Variants in GSN observed in about 807,000 individuals in gnomAD.
The protein encoded by GSN is gelsolin.
In GSN, 56 loss-of-function variants were observed where a neutral mutation model predicts 85.7. The observed-to-expected ratio is 0.65, with a 90% CI of 0.53 to 0.82. The LOEUF is 0.82. Among genes scored for constraint, GSN ranks in the 40% least tolerant of loss-of-function variants. The pLI is 0.00. For synonymous variants in GSN, 373 were observed against 399.1 expected (o/e 0.93, Z 0.78); for missense variants, 857 against 979.8 (o/e 0.87, Z 1.67).
intron 11 of GSN, among the ~76,000 whole-genome samples, chr9:121,323,756 A>G (rs2062799234): frequency 6.6e-6 from 1 of 152,078 alleles, no homozygotes; most frequent in East Asian, 1.9e-4. Flanking sequence ...CTCTGAATCT[A>G]TGGCAGTTGC....
upstream of GSN, among the ~76,000 whole-genome samples, chr9:121,267,799 G>A (rs951358646): frequency 6.6e-6 from 1 of 152,006 alleles, no homozygotes. Context: ...ATCTGCCTCC[G>A]CTGGTGCTAG....
intron 1 of GSN, among the ~76,000 whole-genome samples, chr9:121,278,456 C>A (rs2056931085): frequency 6.6e-6 from 1 of 152,176 alleles, no homozygotes; most frequent in African/African-American, 2.4e-5. Context: ...CAGTATCCCC[C>A]CATCCCACCT....
chr9:121,286,283 A>C (rs993627971), intron 2 of GSN: 1 of 767,382 alleles, frequency 1.3e-6, no homozygotes, highest in African/African-American at 1.7e-5. Flanking sequence ...TCCTAGTTCA[A>C]CACCAGCCAG....
At chr9:121,314,162 A>C (rs778121526) in intron 7 of GSN, 139 bp downstream of exon 7, 9 of 727,016 alleles carry the variant, frequency 1.2e-5, no homozygotes, top group Non-Finnish European at 2.2e-5. Context: ...TCACGTCTCC[A>C]GTGGATGCTC....
At chr9:121,264,491 G>C (rs190679325), upstream of GSN, among the ~76,000 whole-genome samples, 2 of 152,132 alleles carry the variant, frequency 1.3e-5, no homozygotes, top group Non-Finnish European at 1.5e-5. Flanking sequence ...CAATCAGTTC[G>C]TAAGAAAACA....
At chr9:121,308,020 T>G (rs1346704759) in intron 4 of GSN, among the ~76,000 whole-genome samples, 2 of 152,210 alleles carry the variant, frequency 1.3e-5, no homozygotes, top group Non-Finnish European at 2.9e-5. Flanking sequence ...GAGTCCCAAC[T>G]CACTCCTTCC....
chr9:121,323,917 T>G (rs992906547), intron 11 of GSN, among the ~76,000 whole-genome samples: 1 of 152,222 alleles, frequency 6.6e-6, no homozygotes, highest in East Asian at 1.9e-4. Context: ...GTACAAAATG[T>G]GTGAGAAGAC....
intron 5 of GSN, 169 bp downstream of exon 5, chr9:121,311,014 A>G: frequency 3.0e-6 from 2 of 664,932 alleles, no homozygotes; most frequent in Non-Finnish European, 5.4e-6. Flanking sequence ...ACAAATGTAG[A>G]CTCACACCAC....
In GSN at chr9:121,309,382, C is replaced by A. The variant is rs1433155129; in HGVS notation, c.352-1302C>A. 4.6e-5 allele frequency: 7 copies of A among 152,322 alleles called. No individual in the cohort carries two copies. In the East Asian group the frequency reaches 1.4e-3, roughly 29 times the overall value. 9.4% of individuals were successfully genotyped at this position (152,322 alleles called of 1,614,324 possible). On this transcript the variant is annotated intron_variant, in intron 4 of 17. Transcript: ENST00000432226. ...ATTACAGAGGGCTGGGGAGCAGGAG[C>A]TTGTGTCTCCACTTCAGAAAGGAGA...
intron 1 of GSN, among the ~76,000 whole-genome samples, chr9:121,276,794 G>A (rs2056733169): frequency 6.6e-6 from 1 of 152,112 alleles, no homozygotes; most frequent in Non-Finnish European, 1.5e-5. Context: ...TCCTGTAGTG[G>A]GGTGGGAGGA....
chr9:121,326,467 G>T lies in GSN; in HGVS notation c.1417-45G>T, dbSNP rs372924389. 20 of 1,541,248 alleles carry T rather than the reference G, an allele frequency of 1.3e-5. No homozygotes were observed. In the African/African-American group the frequency reaches 2.6e-4, roughly 20 times the overall value. On this transcript the variant is annotated intron_variant, in intron 12 of 17. Coordinates refer to ENST00000432226, the MANE Select transcript of GSN (RefSeq NM_198252.3). ...CCCAGTGCGACATAGAAGGACTGAAGCCTGCCCCCAAGGTCCCTGACTTGC... is the reference window on the plus strand; with the variant it reads ...CCCAGTGCGACATAGAAGGACTGAATCCTGCCCCCAAGGTCCCTGACTTGC...
intron 5 of GSN, among the ~76,000 whole-genome samples, chr9:121,244,882 T>TAAAATAAAATAAAA (rs2054669018): frequency 1.3e-5 from 2 of 152,070 alleles, no homozygotes; most frequent in African/African-American, 4.8e-5. Context: ...TAATAAAATA[T>TAAAATAAAATAAAA]TCCCATAGCA....
chr9:121,317,556 A>G, intron 8 of GSN: 1 of 346,918 alleles, frequency 2.9e-6, no homozygotes, highest in Middle Eastern at 9.7e-4. Flanking sequence ...GCAACAGTGG[A>G]TTTTAAAATG....
At chr9:121,253,403 T>C (rs956165032) in intron 6 of GSN, among the ~76,000 whole-genome samples, 1 of 152,202 alleles carries the variant, frequency 6.6e-6, no homozygotes, top group African/African-American at 2.4e-5. Flanking sequence ...TCAGCTCCCA[T>C]ATTTCTTGTT....
intron 4 of GSN, among the ~76,000 whole-genome samples, chr9:121,230,429 T>G (rs2054365173): frequency 6.6e-6 from 1 of 152,210 alleles, no homozygotes; most frequent in African/African-American, 2.4e-5. Flanking sequence ...GCACAGAGCT[T>G]GCCTAATAAG....
At chr9:121,269,869 C>T (rs1365807030) in intron 1 of GSN, among the ~76,000 whole-genome samples, 3 of 152,210 alleles carry the variant, frequency 2.0e-5, no homozygotes, top group East Asian at 1.9e-4. Flanking sequence ...TTTCCTTCCT[C>T]CCCGCCTCCC....
At chr9:121,219,885 T>C (rs1027469820) in intron 4 of GSN, among the ~76,000 whole-genome samples, 18 of 142,854 alleles carry the variant, frequency 1.3e-4, no homozygotes, top group African/African-American at 4.5e-4. Flanking sequence ...TTTTCTTTTC[T>C]TTTTTTTTTT....
chr9:121,232,452 G>A (rs889521759), intron 5 of GSN, among the ~76,000 whole-genome samples: 1 of 152,150 alleles, frequency 6.6e-6, no homozygotes, highest in African/African-American at 2.4e-5. Context: ...AGGCACTCTT[G>A]GCAGAGTTAC....
chr9:121,330,951 G>A (rs1388590828), intron 16 of GSN, among the ~76,000 whole-genome samples: 2 of 152,170 alleles, frequency 1.3e-5, no homozygotes, highest in Non-Finnish European at 2.9e-5. Context: ...AATGCCTGAT[G>A]GTACCTGGTT....
Sources: gnomAD v4.1 joint callset for allele counts (sites outside exome capture counted in the v4.1 genomes callset) on GRCh38, gnomAD v4.1.1 for gene constraint, MANE v1.5 for transcripts, NCBI Gene and HGNC (gene_info 2026-07-23, HGNC 2026-07-21) for gene names.